The following CAMSAP1 variants were observed in gnomAD, a reference collection of about 807,000 sequenced individuals.
CAMSAP1 encodes calmodulin-regulated spectrin-associated protein 1.
In CAMSAP1, 58 loss-of-function variants were observed where a neutral mutation model predicts 143.5. That is an observed-to-expected ratio of 0.40 (90% CI 0.33 to 0.50). The LOEUF (loss-of-function observed/expected upper bound fraction) is 0.50. CAMSAP1 is among the 20% of genes least tolerant of loss of function. CAMSAP1 has a pLI of 0.45. For synonymous variants in CAMSAP1, 945 were observed against 859.3 expected, an observed-to-expected ratio of 1.10 and a Z score of -1.74; for missense variants, 1,969 against 2,115.7, an observed-to-expected ratio of 0.93 and a Z score of 1.36.
intron 1 of CAMSAP1, 37 bp from the exon 2 acceptor site, chr9:135,883,115 C>A: frequency 6.5e-7 from 1 of 1,546,824 alleles, no homozygotes; most frequent in Non-Finnish European, 8.7e-7. Context: ...GAGTGCCACA[C>A]ACAAGACCCA....
intron 1 of CAMSAP1, among the ~76,000 whole-genome samples, chr9:135,897,206 G>C (rs1838483118): frequency 6.6e-6 from 1 of 152,034 alleles, no homozygotes; most frequent in Admixed American, 6.6e-5. Flanking sequence ...CCAGGCTGGA[G>C]TGCAGTGGTA....
intron 3 of CAMSAP1, among the ~76,000 whole-genome samples, chr9:135,875,062 T>C (rs2130965291): frequency 6.6e-6 from 1 of 152,304 alleles, no homozygotes; most frequent in East Asian, 1.9e-4. Context: ...GGCTGGAATA[T>C]GCAATACTAA....
At chr9:135,901,742 T>C (rs1838625279) in intron 1 of CAMSAP1, among the ~76,000 whole-genome samples, 1 of 152,008 alleles carries the variant, frequency 6.6e-6, no homozygotes, top group Non-Finnish European at 1.5e-5. Flanking sequence ...CCAGGCTCGC[T>C]CTCTCGGCAC....
chr9:135,813,398 AAAT>A (rs1216762973), intron 16 of CAMSAP1, among the ~76,000 whole-genome samples: 3 of 152,238 alleles, frequency 2.0e-5, no homozygotes, highest in Non-Finnish European at 4.4e-5. Context: ...TTATTATTTT[AAAT>A]AATACGTATT....
rs1837988341 is a variant in CAMSAP1, at chr9:135,882,335, G to C, written c.423+481C>G. ...ACGCCATGGGAGCAACCAAACAAAG[G>C]CAGTGCAGGAGGCACCGAGAATGGC... On this transcript the variant is annotated intron_variant, in intron 2 of 16. Transcript: ENST00000389532. The surrounding 1 kb of genome is among the most constrained non-coding windows in gnomAD (Gnocchi z 4.9). Among the ~76,000 whole-genome samples, 5 of 152,116 alleles carry C rather than the reference G, an allele frequency of 3.3e-5. No individual in the cohort carries two copies. Among genetic ancestry groups the C allele is most frequent in the Admixed American group, 2.6e-4 (4 of 15,280 alleles).
chr9:135,904,569 T>C (rs1282289879), intron 1 of CAMSAP1, among the ~76,000 whole-genome samples: 1 of 151,798 alleles, frequency 6.6e-6, no homozygotes. Context: ...ACTAGAATTG[T>C]AAGTATAAAT....
At chr9:135,876,326 A>C (rs1837746567) in intron 3 of CAMSAP1, among the ~76,000 whole-genome samples, 1 of 152,332 alleles carries the variant, frequency 6.6e-6, no homozygotes, top group African/African-American at 2.4e-5. Flanking sequence ...TTCATGATAC[A>C]TACATCTGAC....
rs959401611 is a variant in CAMSAP1 at position 135,882,827 on chromosome 9, G to A, written c.412C>T (p.Pro138Ser). 27 of 1,550,498 alleles carry A rather than the reference G, an allele frequency of 1.7e-5. No individual in the cohort carries two copies. The highest frequency in any genetic ancestry group is 2.4e-5 in the Non-Finnish European group (27 of 1,146,850). Residue 138 changes from proline (P) to serine (S), a missense_variant, in exon 2 of 17, where the codon CCC (proline) becomes TCC (serine). Physicochemically the swap from Pro to Ser is moderately conservative, Grantham distance 74. Coordinates refer to ENST00000389532, the MANE Select transcript of CAMSAP1 (RefSeq NM_015447.4). The surrounding 1 kb of genome is among the most constrained non-coding windows in gnomAD (Gnocchi z 4.9). The part of the protein sequence containing the change: ...PVTESDLSRA[P>S]IKMSAHMAMV... ...CGCAGACCACTCACCATTTTTATGG[G>A]TGCGCGACTGAGGTCGGACTCTGTC...
At chr9:135,864,759 C>T (rs1189528845) in intron 4 of CAMSAP1, among the ~76,000 whole-genome samples, 1 of 152,188 alleles carries the variant, frequency 6.6e-6, no homozygotes, top group African/African-American at 2.4e-5. Flanking sequence ...AACTCAGACC[C>T]TTGCCTGGGA....
intron 3 of CAMSAP1, among the ~76,000 whole-genome samples, chr9:135,868,170 A>G: frequency 1.0e-5 from 1 of 100,054 alleles, no homozygotes; most frequent in East Asian, 2.1e-4. Flanking sequence ...AACTGCTTGT[A>G]AAAAAAAAAA....
chr9:135,903,116 A>AAACGCACAGTGGCCGAGATC (rs1448408742), intron 1 of CAMSAP1, among the ~76,000 whole-genome samples: 2 of 150,472 alleles, frequency 1.3e-5, no homozygotes, highest in Admixed American at 1.3e-4. Flanking sequence ...GGCATGTACA[A>AAACGCACAGTGGCCGAGATC]AACGCACAGT....
At chr9:135,856,936 A>G (rs1837000266) in intron 5 of CAMSAP1, among the ~76,000 whole-genome samples, 2 of 152,176 alleles carry the variant, frequency 1.3e-5, no homozygotes, top group African/African-American at 4.8e-5. Flanking sequence ...CCTCCTCTTC[A>G]GGATGGTGTG....
In CAMSAP1 at chr9:135,822,021, C is replaced by A; in HGVS notation, c.2640G>T (p.Gln880His). ...GCTTCTCCTCCAGCTGCATGTGCAG[C>A]TGTACCAGCTCAGATGCCAGGAGGC... ...PASLLASELV[Q>H]LHMQLEEKRR... The change falls in exon 11 of 17, where the codon CAG (glutamine) becomes CAT (histidine). Residue 880 changes from glutamine to histidine, a missense_variant. Gln to His is a conservative substitution (Grantham distance 24, BLOSUM62 0). Transcript: ENST00000389532. This position sits in a 1 kb window ranked among gnomAD's most constrained non-coding sequence, Gnocchi z 6.1. 6.2e-7 allele frequency: 1 copy of A among 1,612,988 alleles called. No homozygotes were observed. The highest frequency in any genetic ancestry group is 8.5e-7 in the Non-Finnish European group (1 of 1,179,652).
chr9:135,817,883 A>G (rs1835288379), intron 14 of CAMSAP1, 94 bp downstream of exon 14: 1 of 935,580 alleles, frequency 1.1e-6, no homozygotes, highest in Non-Finnish European at 1.6e-6. Context: ...TTAAAGTTAC[A>G]AAAGCCTCTC....
chr9:135,899,081 T>G (rs1032693904), intron 1 of CAMSAP1, among the ~76,000 whole-genome samples: 5 of 152,216 alleles, frequency 3.3e-5, no homozygotes, highest in Non-Finnish European at 5.9e-5. Flanking sequence ...TCAGATTAGA[T>G]GCACAGAGGA....
At chr9:135,829,364 G>T (rs1319589473) in intron 7 of CAMSAP1, among the ~76,000 whole-genome samples, 1 of 151,282 alleles carries the variant, frequency 6.6e-6, no homozygotes, top group Non-Finnish European at 1.5e-5. Context: ...AATTAAAGTA[G>T]CTAGGCATGG....
At chr9:135,906,248 GC>G (rs1838773640) in intron 1 of CAMSAP1, among the ~76,000 whole-genome samples, 1 of 152,170 alleles carries the variant, frequency 6.6e-6, no homozygotes, top group Admixed American at 6.5e-5. Flanking sequence ...CAGAATAAAG[GC>G]AAATATTTTA....
At chr9:135,838,451 A>G (rs1293136410) in intron 7 of CAMSAP1, among the ~76,000 whole-genome samples, 6 of 132,568 alleles carry the variant, frequency 4.5e-5, no homozygotes, top group Non-Finnish European at 9.4e-5. Context: ...ATCATCACGC[A>G]CTTTCCACCT....
chr9:135,881,450 G>C (rs956493996), intron 3 of CAMSAP1, among the ~76,000 whole-genome samples, 183 bp downstream of exon 3: 6 of 152,158 alleles, frequency 3.9e-5, no homozygotes, highest in Non-Finnish European at 7.3e-5. Context: ...CGGCCTGCGG[G>C]AGAAACACCT....
Sources: gnomAD v4.1 joint callset for allele counts (sites outside exome capture counted in the v4.1 genomes callset) on GRCh38, gnomAD v4.1.1 for gene constraint, Gnocchi (gnomAD v3.1) non-coding constraint, MANE v1.5 for transcripts, NCBI Gene and HGNC (gene_info 2026-07-23, HGNC 2026-07-21) for gene names.